Variants in B9D1 observed in about 807,000 individuals in gnomAD.
The protein encoded by B9D1 is B9 domain-containing protein 1.
B9D1 carries 20 observed loss-of-function variants against 26.1 expected under a neutral mutation model. The ratio of observed to expected loss-of-function variants is 0.77; its 90% CI spans 0.54 to 1.12. The LOEUF is 1.12. Among genes scored for constraint, B9D1 ranks in the 50% most tolerant of loss-of-function variants. The pLI, the probability that B9D1 is intolerant of heterozygous loss-of-function variation, is 0.00. For synonymous variants in B9D1, 105 were observed against 103.1 expected, an observed-to-expected ratio of 1.02 and a Z score of -0.11; for missense variants, 260 against 273.7, an observed-to-expected ratio of 0.95 and a Z score of 0.35.
chr17:19,367,609 G>A (rs1268474792), upstream of B9D1, among the ~76,000 whole-genome samples: 1 of 152,186 alleles, frequency 6.6e-6, no homozygotes, highest in Non-Finnish European at 1.5e-5. Context: ...ACTGCACCCG[G>A]CCAATCAGCC....
At chr17:19,348,350 A>C (rs1414388068) in intron 3 of B9D1, among the ~76,000 whole-genome samples, 1 of 152,188 alleles carries the variant, frequency 6.6e-6, no homozygotes, top group Non-Finnish European at 1.5e-5. Flanking sequence ...TTTTCCTTTA[A>C]AATATTATAG....
chr17:19,366,131 C>T (rs1008130170), upstream of B9D1, among the ~76,000 whole-genome samples: 22 of 151,950 alleles, frequency 1.4e-4, no homozygotes, highest in South Asian at 8.3e-4. Context: ...AGTGGGTGTC[C>T]GGCTCTGCTT....
intron 3 of B9D1, among the ~76,000 whole-genome samples, chr17:19,348,575 T>C (rs979226041): frequency 2.6e-5 from 4 of 152,176 alleles, no homozygotes; most frequent in African/African-American, 9.7e-5. Context: ...ACCTAATGCA[T>C]AGTGAGTGCT....
At chr17:19,337,880 T>C (rs1362660040), downstream of B9D1, 2 of 189,564 alleles carry the variant, frequency 1.1e-5, no homozygotes, top group South Asian at 4.2e-5. Context: ...TGGGTGGGGA[T>C]GGGCAAGTGC....
At chr17:19,338,958 T>TA (rs1274191251), downstream of B9D1, among the ~76,000 whole-genome samples, 1 of 152,202 alleles carries the variant, frequency 6.6e-6, no homozygotes, top group East Asian at 1.9e-4. Flanking sequence ...AGCACACACA[T>TA]AAAATTCTTT....
intron 3 of B9D1, among the ~76,000 whole-genome samples, chr17:19,348,627 C>G (rs1356727962): frequency 2.6e-5 from 4 of 152,196 alleles, no homozygotes; most frequent in Non-Finnish European, 5.9e-5. Flanking sequence ...CCCATTACTA[C>G]CTTCCACCAA....
chr17:19,345,381 G>C (rs1448344887), intron 5 of B9D1, among the ~76,000 whole-genome samples: 1 of 152,214 alleles, frequency 6.6e-6, no homozygotes, highest in Non-Finnish European at 1.5e-5. Flanking sequence ...CTAGACTGGA[G>C]GGGTGGCAGC....
intron 3 of B9D1, among the ~76,000 whole-genome samples, chr17:19,355,278 A>G (rs1251835201): frequency 6.6e-6 from 1 of 152,202 alleles, no homozygotes; most frequent in Non-Finnish European, 1.5e-5. Flanking sequence ...CTGTAACACC[A>G]GAACTTTCTT....
At chr17:19,335,322 C>T (rs1907355512), downstream of B9D1, 2 of 1,393,378 alleles carry the variant, frequency 1.4e-6, no homozygotes, top group Non-Finnish European at 2.0e-6. Flanking sequence ...AATATACCAA[C>T]ATCCTGAAAG....
chr17:19,347,727 G>T lies in B9D1; in HGVS notation c.341+57C>A. ...GCCTGAACCTAAGACAGAAAACGAGGTGAAGTCTGTCCTAGGACAAGTCCT... is the reference window on the plus strand; with the variant it reads ...GCCTGAACCTAAGACAGAAAACGAGTTGAAGTCTGTCCTAGGACAAGTCCT... On this transcript the variant is annotated intron_variant, in intron 4 of 6. Coordinates refer to ENST00000261499, the MANE Select transcript of B9D1 (RefSeq NM_015681.6). The surrounding 1 kb of genome is among the most constrained non-coding windows in gnomAD (Gnocchi z 4.3). 6.5e-7 allele frequency: 1 copy of T among 1,528,990 alleles called. No individual in the cohort carries two copies. The highest frequency in any genetic ancestry group is 9.0e-7 in the Non-Finnish European group (1 of 1,107,634). 94.7% of individuals were successfully genotyped at this position (1,528,990 alleles called of 1,614,324 possible).
At chr17:19,343,585 C>A in intron 6 of B9D1, 124 bp from the exon 7 acceptor site, 2 of 1,576,190 alleles carry the variant, frequency 1.3e-6, no homozygotes, top group Non-Finnish European at 1.7e-6. Flanking sequence ...TGACCCAAGC[C>A]CCTCACTGGG....
downstream of B9D1, chr17:19,335,377 A>G: frequency 6.5e-7 from 1 of 1,546,102 alleles, no homozygotes; most frequent in Non-Finnish European, 8.7e-7. Context: ...ACCAATTTTT[A>G]TCAACTAATT....
chr17:19,375,683 A>G (rs1020776885), intron 1 of B9D1, among the ~76,000 whole-genome samples: 4 of 152,246 alleles, frequency 2.6e-5, no homozygotes, highest in Non-Finnish European at 5.9e-5. Flanking sequence ...CAGATGTTGC[A>G]GTGAGCCGAG....
At chr17:19,339,529 A>G (rs1373334634), downstream of B9D1, among the ~76,000 whole-genome samples, 1 of 152,206 alleles carries the variant, frequency 6.6e-6, no homozygotes, top group Non-Finnish European at 1.5e-5. Flanking sequence ...TTTTTTGGCT[A>G]CAGCAGAAAC....
rs949036042 is a variant in B9D1 at position 19,347,457 on chromosome 17, G to A, written c.342-126C>T. 1.7e-5 allele frequency: 20 copies of A among 1,144,366 alleles called. No homozygotes were observed. Among genetic ancestry groups the A allele is most frequent in the Admixed American group, 9.7e-5 (5 of 51,594 alleles). 70.9% of individuals were successfully genotyped at this position (1,144,366 alleles called of 1,614,324 possible). A position where few individuals can be genotyped will look rare whatever the true frequency, so the allele number is the denominator to read the frequency against. On this transcript the variant is annotated intron_variant, in intron 4 of 6. Transcript: ENST00000261499. This position sits in a 1 kb window ranked among gnomAD's most constrained non-coding sequence, Gnocchi z 4.3. ...GGGCCAAGTCAGGGCCAATGTCAAC[G>A]AATCCAACCTGTGCTAACTGAGCAC...
At position 19,359,240 on chromosome 17, in the gene B9D1, G is replaced by T. The variant is rs1910735750; in HGVS notation, c.132+1080C>A. ...TTCTCTGCTGAAAGTTCTCCAGTGG[G>T]ATCCCATCTCCCTTTGAGTAAAGGT... is the stretch of plus-strand genomic sequence containing the variant. On this transcript the variant is annotated intron_variant, in intron 2 of 6. Transcript: ENST00000261499. The surrounding 1 kb of genome is among the most constrained non-coding windows in gnomAD (Gnocchi z 5.0). Among the ~76,000 whole-genome samples the T allele has an allele frequency of 6.6e-6, 1 of 152,160 alleles. No individual in the cohort carries two copies. Among genetic ancestry groups the T allele is most frequent in the African/African-American group, 2.4e-5 (1 of 41,424 alleles).
At chr17:19,356,906 C>T (rs1910430585) in intron 3 of B9D1, among the ~76,000 whole-genome samples, 1 of 152,164 alleles carries the variant, frequency 6.6e-6, no homozygotes, top group Non-Finnish European at 1.5e-5. Flanking sequence ...TTGCACTGTT[C>T]CAGGAAGTCT....
chr17:19,360,200 T>C (rs1910864469), intron 2 of B9D1, 120 bp downstream of exon 2: 1 of 927,482 alleles, frequency 1.1e-6, no homozygotes, highest in Admixed American at 1.8e-5. Flanking sequence ...CATGTTTGGG[T>C]TCCCCTGAAC....
At chr17:19,368,315 G>A (rs570355501) in intron 1 of B9D1, among the ~76,000 whole-genome samples, 10 of 152,226 alleles carry the variant, frequency 6.6e-5, no homozygotes, top group Non-Finnish European at 1.0e-4. Flanking sequence ...TTTCTAAACC[G>A]TGACTCGGGC....
Sources: allele counts gnomAD v4.1 joint callset (sites outside exome capture counted in the v4.1 genomes callset), GRCh38; gene constraint gnomAD v4.1.1; non-coding constraint Gnocchi (gnomAD v3.1); transcripts MANE v1.5; gene names NCBI Gene and HGNC (gene_info 2026-07-23, HGNC 2026-07-21).